Variants in PATJ observed in about 807,000 individuals in gnomAD.
The protein encoded by PATJ is PATJ crumbs cell polarity complex component, also known as inaD-like protein.
In PATJ, 190 loss-of-function variants were observed where a neutral mutation model predicts 224.9. The ratio of observed to expected loss-of-function variants is 0.84; its 90% CI spans 0.75 to 0.95. The LOEUF is 0.95. PATJ is among the 40% of genes least tolerant of loss of function. PATJ has a pLI of 0.00. For missense variants in PATJ, 2,121 were observed against 2,270.3 expected, an observed-to-expected ratio of 0.93 and a Z score of 1.34; for synonymous variants, 769 against 820.3, an observed-to-expected ratio of 0.94 and a Z score of 1.07.
intron 28 of PATJ, among the ~76,000 whole-genome samples, chr1:62,007,910 A>G (rs895427418): frequency 1.3e-5 from 2 of 152,224 alleles, no homozygotes; most frequent in Non-Finnish European, 2.9e-5. Flanking sequence ...GCTTCAACAT[A>G]TGAATTTGCA....
intron 16 of PATJ, 27 bp downstream of exon 16, chr1:61,827,610 C>T (rs769293690): frequency 6.3e-7 from 1 of 1,599,998 alleles, no homozygotes; most frequent in Admixed American, 1.7e-5. Context: ...GTGCATTTCC[C>T]ATAGGCATGC....
intron 26 of PATJ, among the ~76,000 whole-genome samples, chr1:61,922,562 A>G (rs1310346564): frequency 6.6e-6 from 1 of 152,234 alleles, no homozygotes; most frequent in African/African-American, 2.4e-5. Context: ...TTAGGTTTCC[A>G]AGGATTGGCA....
intron 7 of PATJ, among the ~76,000 whole-genome samples, chr1:61,778,873 A>G (rs1833048): frequency 0.88 from 134,053 of 151,954 alleles, 59,538 homozygotes; most frequent in East Asian, 1. Flanking sequence ...GCTAATTTTT[A>G]CATTTTTAAT....
chr1:62,160,738 C>T (rs770651095), intron 43 of PATJ, among the ~76,000 whole-genome samples, 170 bp from the exon 44 acceptor site: 2 of 152,174 alleles, frequency 1.3e-5, no homozygotes, highest in Non-Finnish European at 2.9e-5. Context: ...ATTCAAACAG[C>T]ATATCTTACT....
intron 29 of PATJ, among the ~76,000 whole-genome samples, chr1:62,020,545 T>G (rs2148403148): frequency 6.6e-6 from 1 of 152,340 alleles, no homozygotes; most frequent in East Asian, 1.9e-4. Context: ...AAGGGAAAGC[T>G]GAATAGAATT....
chr1:62,090,634 A>T (rs1660610272), intron 33 of PATJ, among the ~76,000 whole-genome samples: 1 of 152,104 alleles, frequency 6.6e-6, no homozygotes, highest in Admixed American at 6.6e-5. Flanking sequence ...TTAATTCATA[A>T]TTTTTATTTC....
Position 61,775,199 on chromosome 1 carries a change from T to C in PATJ, c.721-7T>C. The C allele has an allele frequency of 1.1e-5, 18 of 1,604,882 alleles. No homozygotes were observed. Among genetic ancestry groups the C allele is most frequent in the Non-Finnish European group, 1.5e-5 (18 of 1,177,242 alleles). Reference sequence around the variant, plus strand: ...TACTGCGACTCTTATTTGCCATTAATTTGTAGGTTTGTTGGGGCCATGTTG... The same window carrying C: ...TACTGCGACTCTTATTTGCCATTAACTTGTAGGTTTGTTGGGGCCATGTTG... On this transcript the variant is annotated splice_region_variant and splice_polypyrimidine_tract_variant and intron_variant, in intron 6 of 43. Transcript: ENST00000642238.
rs187533191 is a variant in PATJ at position 62,158,191 on chromosome 1, G to T, written c.5503-2717G>T. 2.0e-5 allele frequency among the ~76,000 whole-genome samples: 3 copies of T among 149,572 alleles called. 1 individual carries two copies. In the Admixed American group the frequency reaches 2.1e-4, roughly 10 times the overall value. Reference sequence around the variant, plus strand: ...AGCCACAATTACAAAGTAGGTAGAGGTTTTCAAGCCATGCATTTATTTCTT... The same window carrying T: ...AGCCACAATTACAAAGTAGGTAGAGTTTTTCAAGCCATGCATTTATTTCTT... On this transcript the variant is annotated intron_variant, in intron 43 of 43. Transcript: ENST00000642238.
intron 27 of PATJ, among the ~76,000 whole-genome samples, chr1:61,962,519 A>G (rs369397493): frequency 9.9e-5 from 15 of 152,218 alleles, no homozygotes; most frequent in African/African-American, 4.8e-5. Flanking sequence ...CTAGATGTGT[A>G]GAGTAATTGG....
At chr1:62,096,335 G>A (rs1661394039) in intron 33 of PATJ, among the ~76,000 whole-genome samples, 2 of 152,098 alleles carry the variant, frequency 1.3e-5, no homozygotes, top group Admixed American at 1.3e-4. Flanking sequence ...AAATTTTAGG[G>A]AGTAGATGGA....
chr1:61,945,943 G>C (rs1191634498), intron 27 of PATJ, among the ~76,000 whole-genome samples: 2 of 152,196 alleles, frequency 1.3e-5, no homozygotes, highest in African/African-American at 4.8e-5. Flanking sequence ...CATGGAAATT[G>C]AACAAACTGC....
chr1:61,869,231 C>T (rs868828827), intron 20 of PATJ, among the ~76,000 whole-genome samples: 6 of 148,214 alleles, frequency 4.0e-5, no homozygotes, highest in Admixed American at 1.3e-4. Flanking sequence ...CTCAGCCTCC[C>T]AAGTAGCTGG....
chr1:61,774,497 A>G (rs1646809212), intron 6 of PATJ, among the ~76,000 whole-genome samples: 1 of 152,184 alleles, frequency 6.6e-6, no homozygotes, highest in Non-Finnish European at 1.5e-5. Context: ...CCTCTCCCTC[A>G]TTAGTCTCTC....
intron 30 of PATJ, among the ~76,000 whole-genome samples, chr1:62,050,177 T>TA (rs146597486): frequency 2.1e-5 from 3 of 145,196 alleles, no homozygotes; most frequent in East Asian, 2.0e-4. Flanking sequence ...TTTTATTAAA[T>TA]AAAAAAAATA....
intron 7 of PATJ, among the ~76,000 whole-genome samples, chr1:61,784,743 G>A (rs1435274545): frequency 6.6e-6 from 1 of 152,134 alleles, no homozygotes; most frequent in Admixed American, 6.5e-5. Flanking sequence ...TTTTTCATCA[G>A]CACCACTGAC....
chr1:61,979,994 C>A (rs374132197), intron 27 of PATJ, among the ~76,000 whole-genome samples: 15 of 152,090 alleles, frequency 9.9e-5, no homozygotes, highest in African/African-American at 2.9e-4. Context: ...TCAGAGAAAT[C>A]CTTTTTAGGT....
At chr1:62,070,133 G>A (rs959176886) in intron 31 of PATJ, among the ~76,000 whole-genome samples, 6 of 151,966 alleles carry the variant, frequency 3.9e-5, no homozygotes, top group South Asian at 4.2e-4. Flanking sequence ...AACCAAGGTC[G>A]AATTGCAGAT....
intron 31 of PATJ, chr1:62,078,654 T>A (rs919556581): frequency 4.9e-4 from 75 of 152,500 alleles, no homozygotes; most frequent in African/African-American, 1.7e-3. Context: ...CAAGTTAATT[T>A]TTCCCAAACT....
chr1:61,944,237 GAGA>G (rs1474881525), intron 27 of PATJ, among the ~76,000 whole-genome samples: 12 of 152,234 alleles, frequency 7.9e-5, no homozygotes, highest in African/African-American at 2.9e-4. Context: ...GACGAATTGA[GAGA>G]AGAAGGCTTC....
Sources: allele counts gnomAD v4.1 joint callset (sites outside exome capture counted in the v4.1 genomes callset), GRCh38; gene constraint gnomAD v4.1.1; transcripts MANE v1.5; gene names NCBI Gene and HGNC (gene_info 2026-07-23, HGNC 2026-07-21).